The following KLF12 variants were observed in gnomAD, a reference collection of about 807,000 sequenced individuals.
KLF12 encodes Krueppel-like factor 12.
KLF12 carries 9 observed loss-of-function variants against 37.8 expected under a neutral mutation model. The observed-to-expected ratio is 0.24, with a 90% CI of 0.14 to 0.42. The LOEUF (loss-of-function observed/expected upper bound fraction) is 0.42, where lower values mean the gene tolerates loss of function less well. KLF12 is among the 10% of genes least tolerant of loss of function. The pLI, the probability that KLF12 is intolerant of heterozygous loss-of-function variation, is 1.00. For synonymous variants in KLF12, 208 were observed against 202.1 expected (o/e 1.03, Z -0.25); for missense variants, 411 against 516.0 (o/e 0.80, Z 1.97).
intron 7 of KLF12, among the ~76,000 whole-genome samples, chr13:73,702,264 G>A (rs1244555874): frequency 1.1e-4 from 17 of 152,172 alleles, no homozygotes; most frequent in Non-Finnish European, 2.9e-5. Context: ...TTCAATTTTG[G>A]TTAAAGAAAA....
chr13:73,710,294 T>TA (rs779753586), intron 7 of KLF12, among the ~76,000 whole-genome samples: 9 of 152,052 alleles, frequency 5.9e-5, no homozygotes, highest in South Asian at 2.1e-4. Context: ...AGTAAACTGC[T>TA]AAAAAAAACT....
chr13:74,271,764 T>G, the KLF12 span, among the ~76,000 whole-genome samples: 5 of 152,186 alleles, frequency 3.3e-5, no homozygotes, highest in Admixed American at 3.3e-4. Flanking sequence ...GCAAGTCAGG[T>G]ATGGTATACA....
chr13:73,863,555 G>C (rs7336992), intron 3 of KLF12, among the ~76,000 whole-genome samples: 75,322 of 151,916 alleles, frequency 0.5, 19,243 homozygotes, highest in Middle Eastern at 0.61. Context: ...TTTTGTTTCA[G>C]TTATTATTTT....
At chr13:73,737,876 A>G (rs2325555) in intron 6 of KLF12, among the ~76,000 whole-genome samples, 32,439 of 151,846 alleles carry the variant, frequency 0.21, 3,726 homozygotes, top group African/African-American at 0.28. Flanking sequence ...AGAAGACAAG[A>G]TTGGCCAATT....
intron 1 of KLF12, among the ~76,000 whole-genome samples, chr13:74,070,034 T>C (rs187131034): frequency 4.4e-4 from 67 of 152,296 alleles, no homozygotes; most frequent in Non-Finnish European, 9.1e-4. Context: ...AAGGACTCAT[T>C]ACTCTATGGG....
chr13:73,889,040 G>C (rs993620801), intron 3 of KLF12, among the ~76,000 whole-genome samples: 3 of 152,182 alleles, frequency 2.0e-5, no homozygotes, highest in African/African-American at 7.2e-5. Flanking sequence ...GATCCAGACT[G>C]ATTTATGTAG....
chr13:74,165,326 A>G, the KLF12 span, among the ~76,000 whole-genome samples: 2 of 110,284 alleles, frequency 1.8e-5, no homozygotes, highest in South Asian at 2.9e-4. Context: ...TTTGAGATGG[A>G]GTCTTGCTCT....
chr13:73,953,525 A>C (rs1452998075), intron 2 of KLF12, among the ~76,000 whole-genome samples: 1 of 152,244 alleles, frequency 6.6e-6, no homozygotes, highest in African/African-American at 2.4e-5. Context: ...AGTAATGAAA[A>C]AAACATTCAC....
chr13:74,215,186 C>A, the KLF12 span, among the ~76,000 whole-genome samples: 4 of 151,980 alleles, frequency 2.6e-5, no homozygotes, highest in Non-Finnish European at 4.4e-5. Context: ...TTCGAACCCA[C>A]CTTTTAATTA....
intron 1 of KLF12, among the ~76,000 whole-genome samples, chr13:74,015,995 A>G (rs1033585815): frequency 9.2e-5 from 14 of 152,220 alleles, no homozygotes; most frequent in Non-Finnish European, 1.9e-4. Context: ...TTTACTAAAC[A>G]TTGGTTTTTA....
At chr13:73,749,489 T>TA (rs998947353) in intron 6 of KLF12, among the ~76,000 whole-genome samples, 2 of 152,110 alleles carry the variant, frequency 1.3e-5, no homozygotes, top group Non-Finnish European at 2.9e-5. Flanking sequence ...AAAAGATTTT[T>TA]AAAAAAATAG....
chr13:74,048,298 A>G (rs368180259), intron 1 of KLF12, among the ~76,000 whole-genome samples: 4 of 152,334 alleles, frequency 2.6e-5, no homozygotes, highest in South Asian at 4.1e-4. Context: ...TTCTATTGTC[A>G]CGGAAGAAGA....
intron 6 of KLF12, among the ~76,000 whole-genome samples, chr13:73,727,554 T>C (rs1168444143): frequency 4.6e-5 from 7 of 152,176 alleles, no homozygotes; most frequent in Admixed American, 3.3e-4. Context: ...CATGGATTTG[T>C]CTATGTATAA....
the KLF12 span, among the ~76,000 whole-genome samples, chr13:74,157,768 T>A: frequency 6.6e-6 from 1 of 152,332 alleles, no homozygotes; most frequent in African/African-American, 2.4e-5. Flanking sequence ...AGAAAACAGT[T>A]AAGCACAAGG....
intron 5 of KLF12, chr13:73,801,118 A>G (rs1298602611): frequency 6.6e-6 from 1 of 152,098 alleles, no homozygotes; most frequent in South Asian, 2.1e-4. Flanking sequence ...TTTTCTATCT[A>G]TATCAGATTT....
rs1873905510 is a variant in KLF12 at position 73,693,079 on chromosome 13, GCT to G, written c.*2409_*2410del. ...CATCTTTCAGCAGAGAAAAGAACTG[GCT>G]CTTTTTATGAGAGCAAGCAGGACTA... On this transcript the variant is annotated 3_prime_UTR_variant, in exon 8 of 8. Transcript: ENST00000377669. The G allele has an allele frequency of 6.6e-6, 1 of 152,114 alleles. No individual in the cohort carries two copies. The highest frequency in any genetic ancestry group is 1.5e-5 in the Non-Finnish European group (1 of 68,022). 9.4% of individuals were successfully genotyped at this position (152,114 alleles called of 1,614,324 possible). A position where few individuals can be genotyped will look rare whatever the true frequency, so the allele number is the denominator to read the frequency against.
At chr13:73,972,195 C>A (rs925732937) in intron 2 of KLF12, among the ~76,000 whole-genome samples, 1 of 152,002 alleles carries the variant, frequency 6.6e-6, no homozygotes, top group Non-Finnish European at 1.5e-5. Flanking sequence ...AAACCACAGA[C>A]GAAGAATTTA....
At chr13:74,287,355 A>AGAGAGAGAGG in the KLF12 span, among the ~76,000 whole-genome samples, 1 of 139,300 alleles carries the variant, frequency 7.2e-6, no homozygotes. Context: ...AAGTTGAGAG[A>AGAGAGAGAGG]GAGAGAGAGA....
chr13:73,953,373 T>A (rs941278612), intron 2 of KLF12, among the ~76,000 whole-genome samples: 1 of 151,756 alleles, frequency 6.6e-6, no homozygotes, highest in Admixed American at 6.6e-5. Flanking sequence ...TCAAAAAAAA[T>A]TTACTACCAT....
Sources: gnomAD v4.1 joint callset for allele counts (sites outside exome capture counted in the v4.1 genomes callset) on GRCh38, gnomAD v4.1.1 for gene constraint, MANE v1.5 for transcripts, NCBI Gene and HGNC (gene_info 2026-07-23, HGNC 2026-07-21) for gene names.